Variants in NRXN1 observed in about 807,000 individuals in gnomAD.
NRXN1 encodes the protein neurexin-1.
Under a neutral mutation model 150.9 loss-of-function variants are expected in NRXN1, and 39 were observed. The observed-to-expected ratio is 0.26, with a 90% CI of 0.20 to 0.34. The LOEUF is 0.34. Ranked by LOEUF, NRXN1 falls within the 10% of genes least tolerant of loss-of-function variation. The pLI is 1.00. For missense variants in NRXN1, 1,815 were observed against 1,949.9 expected (o/e 0.93, Z 1.30); for synonymous variants, 924 against 757.0 (o/e 1.22, Z -3.62).
At chr2:50,824,594 TG>T (rs1670189344) in intron 5 of NRXN1, among the ~76,000 whole-genome samples, 1 of 152,202 alleles carries the variant, frequency 6.6e-6, no homozygotes, top group Non-Finnish European at 1.5e-5. Context: ...TATTGAGGTT[TG>T]GCCTAAGGGC....
intron 5 of NRXN1, among the ~76,000 whole-genome samples, chr2:50,853,493 G>A (rs777678745): frequency 6.2e-4 from 95 of 152,094 alleles, no homozygotes; most frequent in Non-Finnish European, 6.8e-4. Flanking sequence ...TATTAGAAGA[G>A]ATAGTACTGG....
At chr2:50,673,476 A>G (rs1189868451) in intron 5 of NRXN1, among the ~76,000 whole-genome samples, 1 of 152,102 alleles carries the variant, frequency 6.6e-6, no homozygotes, top group Non-Finnish European at 1.5e-5. Context: ...GTAAAAACCC[A>G]ATGATTCCCC....
intron 19 of NRXN1, among the ~76,000 whole-genome samples, chr2:50,086,951 T>C (rs550908744): frequency 1.2e-4 from 18 of 152,166 alleles, no homozygotes; most frequent in Non-Finnish European, 1.9e-4. Flanking sequence ...CATTCTACTT[T>C]AGTACTTTAT....
chr2:51,013,288 T>C (rs533488454), intron 2 of NRXN1, among the ~76,000 whole-genome samples: 2 of 152,038 alleles, frequency 1.3e-5, no homozygotes, highest in South Asian at 2.1e-4. Context: ...AGCATGTGGG[T>C]GGAGAGCCTG....
intron 17 of NRXN1, among the ~76,000 whole-genome samples, chr2:50,320,004 C>T (rs2075896135): frequency 1.3e-5 from 2 of 151,862 alleles, no homozygotes; most frequent in South Asian, 4.2e-4. Flanking sequence ...ACAAGAGGTA[C>T]ACAGGTAAAG....
chr2:50,763,857 C>A (rs755842323), intron 5 of NRXN1, among the ~76,000 whole-genome samples: 38 of 151,884 alleles, frequency 2.5e-4, no homozygotes, highest in Admixed American at 5.3e-4. Flanking sequence ...GGGGACATCT[C>A]CTTTTAGTGA....
chr2:50,603,367 G>C (rs1416782141), intron 8 of NRXN1, among the ~76,000 whole-genome samples: 1 of 152,112 alleles, frequency 6.6e-6, no homozygotes, highest in African/African-American at 2.4e-5. Context: ...TGGGGACGTG[G>C]GCAGAGGCAG....
intron 17 of NRXN1, among the ~76,000 whole-genome samples, chr2:50,252,213 T>C (rs537479733): frequency 5.3e-5 from 8 of 150,046 alleles, no homozygotes; most frequent in African/African-American, 1.7e-4. Context: ...TAAAATTTTA[T>C]ATTTTAAATA....
chr2:50,927,631 G>A (rs1211372517), intron 2 of NRXN1, among the ~76,000 whole-genome samples: 1 of 151,892 alleles, frequency 6.6e-6, no homozygotes. Context: ...TTATTGTAAT[G>A]TTTAAGATAT....
At chr2:50,898,537 T>G (rs547665328) in intron 5 of NRXN1, 58 of 435,036 alleles carry the variant, frequency 1.3e-4, no homozygotes, top group South Asian at 9.9e-4. Context: ...ATAAAAGACA[T>G]GCATATATCC....
At chr2:50,434,761 C>T (rs193078378) in intron 17 of NRXN1, among the ~76,000 whole-genome samples, 116 of 152,270 alleles carry the variant, frequency 7.6e-4, no homozygotes, top group African/African-American at 2.7e-3. Context: ...CTATCTTGGA[C>T]TGCACTCTTC....
In NRXN1 at chr2:50,184,381, T is replaced by C. The variant is rs540574352; in HGVS notation, c.3546+52408A>G. 4.6e-5 allele frequency among the ~76,000 whole-genome samples: 7 copies of C among 152,142 alleles called. No homozygotes were observed. In the South Asian group the frequency reaches 1.2e-3, roughly 27 times the overall value. ...ACTCAGTCATTGAGAAAAGTACTTT[T>C]TATTTAATATCAATTTACTTCAATA... On this transcript the variant is annotated intron_variant, in intron 18 of 22. Transcript: ENST00000401669.
intron 21 of NRXN1, among the ~76,000 whole-genome samples, chr2:50,014,368 G>C (rs1686222302): frequency 6.6e-6 from 1 of 152,066 alleles, no homozygotes; most frequent in Non-Finnish European, 1.5e-5. Flanking sequence ...ATGTCCTTGT[G>C]TTTAATCCAG....
At chr2:50,980,514 A>G (rs1204604870) in intron 2 of NRXN1, among the ~76,000 whole-genome samples, 1 of 152,148 alleles carries the variant, frequency 6.6e-6, no homozygotes, top group Non-Finnish European at 1.5e-5. Context: ...CATCTTTTGA[A>G]TAAGTGACAA....
intron 2 of NRXN1, among the ~76,000 whole-genome samples, chr2:50,995,269 G>A (rs1469392902): frequency 6.6e-6 from 1 of 151,802 alleles, no homozygotes; most frequent in Non-Finnish European, 1.5e-5. Context: ...GGGACAACCC[G>A]AGGTCAAACC....
intron 5 of NRXN1, among the ~76,000 whole-genome samples, chr2:50,782,020 G>T (rs140156374): frequency 6.6e-6 from 1 of 152,102 alleles, no homozygotes; most frequent in African/African-American, 2.4e-5. Flanking sequence ...TCATTCAGTT[G>T]ATATATTTTC....
At chr2:50,374,319 A>AAATG (rs1461713129) in intron 17 of NRXN1, among the ~76,000 whole-genome samples, 6 of 150,142 alleles carry the variant, frequency 4.0e-5, no homozygotes, top group Admixed American at 2.7e-4. Flanking sequence ...ATAAATAAAT[A>AAATG]AATAAATAAA....
chr2:50,710,982 A>C (rs1017826494), intron 5 of NRXN1, among the ~76,000 whole-genome samples: 1 of 152,216 alleles, frequency 6.6e-6, no homozygotes, highest in African/African-American at 2.4e-5. Context: ...CCCATAATAG[A>C]AAAGAATATT....
intron 12 of NRXN1, chr2:50,526,883 T>C (rs968418458): frequency 6.6e-6 from 1 of 152,128 alleles, no homozygotes; most frequent in African/African-American, 2.4e-5. Flanking sequence ...TATTATTCTG[T>C]GGAATATCCA....
Sources: gnomAD v4.1 joint callset for allele counts (sites outside exome capture counted in the v4.1 genomes callset) on GRCh38, gnomAD v4.1.1 for gene constraint, MANE v1.5 for transcripts, NCBI Gene and HGNC (gene_info 2026-07-23, HGNC 2026-07-21) for gene names.